EMB: variants seen among roughly 807,000 people sequenced by gnomAD.
EMB encodes embigin homolog.
EMB carries 31 observed loss-of-function variants against 41.4 expected under a neutral mutation model. That is an observed-to-expected ratio of 0.75 (90% CI 0.56 to 1.01). The LOEUF (loss-of-function observed/expected upper bound fraction) is 1.01, where lower values mean the gene tolerates loss of function less well. EMB is among the 50% of genes least tolerant of loss of function. EMB has a pLI of 0.00. For synonymous variants in EMB, 137 were observed against 140.4 expected, an observed-to-expected ratio of 0.98 and a Z score of 0.17; for missense variants, 379 against 388.3, an observed-to-expected ratio of 0.98 and a Z score of 0.20.
intron 2 of EMB, among the ~76,000 whole-genome samples, chr5:50,415,857 A>G (rs1413286266): frequency 6.6e-6 from 1 of 152,242 alleles, no homozygotes; most frequent in African/African-American, 2.4e-5. Flanking sequence ...GATTAAAGAA[A>G]TGTACAGTGT....
At chr5:50,430,867 G>C (rs1049589813) in intron 1 of EMB, among the ~76,000 whole-genome samples, 1 of 152,094 alleles carries the variant, frequency 6.6e-6, no homozygotes, top group Non-Finnish European at 1.5e-5. Flanking sequence ...TCATGGATGG[G>C]CTCAACAGGG....
chr5:50,406,150 C>G (rs1425012524), intron 4 of EMB, among the ~76,000 whole-genome samples: 3 of 151,788 alleles, frequency 2.0e-5, no homozygotes, highest in African/African-American at 7.3e-5. Context: ...AAGAAAGAGG[C>G]TTCATGTTTT....
intron 2 of EMB, among the ~76,000 whole-genome samples, chr5:50,426,708 T>C (rs1258547670): frequency 1.3e-5 from 2 of 152,106 alleles, no homozygotes; most frequent in Admixed American, 1.3e-4. Flanking sequence ...CAATGAATAA[T>C]GATAAAATCA....
intron 2 of EMB, among the ~76,000 whole-genome samples, chr5:50,418,302 C>T (rs890829902): frequency 6.6e-5 from 10 of 152,292 alleles, no homozygotes; most frequent in African/African-American, 2.4e-4. Context: ...TAGTGGGGAC[C>T]ACTGATCATA....
At chr5:50,426,263 G>A (rs572998729) in intron 2 of EMB, among the ~76,000 whole-genome samples, 20 of 152,248 alleles carry the variant, frequency 1.3e-4, no homozygotes, top group South Asian at 2.1e-4. Context: ...AGTTCACTTC[G>A]CCTCTTTGTG....
intron 1 of EMB, among the ~76,000 whole-genome samples, chr5:50,440,832 C>G (rs1475653598): frequency 6.6e-6 from 1 of 152,062 alleles, no homozygotes; most frequent in Non-Finnish European, 1.5e-5. Flanking sequence ...CGCAGGAACG[C>G]GAGCCGCAGC....
At chr5:50,440,493 A>G (rs1579748936) in intron 1 of EMB, among the ~76,000 whole-genome samples, 2 of 138,792 alleles carry the variant, frequency 1.4e-5, no homozygotes. Flanking sequence ...AGATCACGCC[A>G]TTGCACTCCA....
At chr5:50,428,474 T>G in intron 1 of EMB, 1 of 1,128,650 alleles carries the variant, frequency 8.9e-7, no homozygotes, top group Non-Finnish European at 1.1e-6. Flanking sequence ...ATGGCTTTTT[T>G]TAAATAACGC....
At position 50,411,459 on chromosome 5, in the gene EMB, A is replaced by G. The variant is rs1234146131; in HGVS notation, c.197-76T>C. The G allele has an allele frequency of 1.2e-5, 12 of 960,776 alleles. No individual in the cohort carries two copies. The African/African-American group carries it at 1.8e-4, about 15-fold the overall frequency. The allele number at this position is 960,776 out of a possible 1,614,324, so 59.5% of individuals were successfully genotyped here. A position where few individuals can be genotyped will look rare whatever the true frequency, so the allele number is the denominator to read the frequency against. Reference sequence around the variant, plus strand: ...AACACATAAAACCTTTTATATTATTAACAGCAGTGTTTCATTGACAATTTC... The same window carrying G: ...AACACATAAAACCTTTTATATTATTGACAGCAGTGTTTCATTGACAATTTC... On this transcript the variant is annotated intron_variant, in intron 2 of 8. Transcript: ENST00000303221.
chr5:50,441,105 CG>C lies in EMB; in HGVS notation c.46del (p.Arg16GlyfsTer35). 6.6e-7 allele frequency: 1 copy of C among 1,517,344 alleles called. No individual in the cohort carries two copies. Among genetic ancestry groups the C allele is most frequent in the Non-Finnish European group, 8.8e-7 (1 of 1,136,468 alleles). 94.0% of individuals were successfully genotyped at this position (1,517,344 alleles called of 1,614,324 possible). On this transcript the variant is annotated frameshift_variant, in exon 1 of 9. Transcript: ENST00000303221. LOFTEE classifies it high-confidence loss of function. ...GLLEARARTP[R>X]LLLLQCLLAA... Reference sequence around the variant, plus strand: ...GAGAAGGCACTGGAGGAGGAGCAGCCGGGGCGTACGCGCCCTGGCCTCCAGC... The same window carrying C: ...GAGAAGGCACTGGAGGAGGAGCAGCCGGGCGTACGCGCCCTGGCCTCCAGC...
At chr5:50,437,194 C>T (rs762013049) in intron 1 of EMB, among the ~76,000 whole-genome samples, 6 of 151,966 alleles carry the variant, frequency 3.9e-5, no homozygotes, top group Non-Finnish European at 8.8e-5. Flanking sequence ...TCTCTTGAGC[C>T]CAGAAGGTCA....
intron 1 of EMB, 34 bp downstream of exon 1, chr5:50,441,006 G>T: frequency 7.8e-7 from 1 of 1,289,360 alleles, no homozygotes; most frequent in Non-Finnish European, 9.9e-7. Flanking sequence ...CGCGCCCTCC[G>T]CCCTCCCTAC....
At chr5:50,429,793 T>C (rs947448298) in intron 1 of EMB, among the ~76,000 whole-genome samples, 2 of 152,188 alleles carry the variant, frequency 1.3e-5, no homozygotes, top group Admixed American at 6.5e-5. Context: ...CTATCAAGTA[T>C]ACAAAACCTT....
chr5:50,441,745 A>C (rs1745919500), upstream of EMB, among the ~76,000 whole-genome samples: 1 of 152,150 alleles, frequency 6.6e-6, no homozygotes, highest in African/African-American at 2.4e-5. Flanking sequence ...TCTCTCTTCT[A>C]GTCTCTGAAG....
intron 5 of EMB, among the ~76,000 whole-genome samples, chr5:50,404,041 T>C (rs1442507434): frequency 2.6e-5 from 4 of 151,896 alleles, no homozygotes; most frequent in Non-Finnish European, 5.9e-5. Flanking sequence ...ATATCTGAAT[T>C]TCTTTCTCAC....
upstream of EMB, among the ~76,000 whole-genome samples, chr5:50,442,079 G>C (rs1745924825): frequency 6.6e-6 from 1 of 152,088 alleles, no homozygotes. Flanking sequence ...ACATTGATTT[G>C]ATTTCTCTCC....
At chr5:50,431,315 T>C (rs553928663) in intron 1 of EMB, among the ~76,000 whole-genome samples, 31 of 152,272 alleles carry the variant, frequency 2.0e-4, no homozygotes, top group African/African-American at 7.0e-4. Context: ...TTAGGCAAGA[T>C]TTTTTTAACC....
At chr5:50,422,437 A>T (rs1283932306) in intron 2 of EMB, among the ~76,000 whole-genome samples, 1 of 152,212 alleles carries the variant, frequency 6.6e-6, no homozygotes, top group African/African-American at 2.4e-5. Context: ...ATAACTTTGT[A>T]AAACAATGTA....
At chr5:50,428,063 CA>C in intron 2 of EMB, 80 bp downstream of exon 2, 1 of 974,590 alleles carries the variant, frequency 1.0e-6, no homozygotes, top group East Asian at 2.4e-5. Context: ...CTTCGCAAAG[CA>C]AAAAGCAGTA....
Sources: allele counts gnomAD v4.1 joint callset (sites outside exome capture counted in the v4.1 genomes callset), GRCh38; gene constraint gnomAD v4.1.1; transcripts MANE v1.5; gene names NCBI Gene and HGNC (gene_info 2026-07-23, HGNC 2026-07-21).